Variants in LRBA observed in about 807,000 individuals in gnomAD.
The protein encoded by LRBA is LPS responsive beige-like anchor protein, also known as lipopolysaccharide-responsive and beige-like anchor protein.
Under a neutral mutation model 330.0 loss-of-function variants are expected in LRBA, and 176 were observed. That is an observed-to-expected ratio of 0.53 (90% confidence interval 0.47 to 0.60). The LOEUF (loss-of-function observed/expected upper bound fraction) is 0.60, where lower values mean the gene tolerates loss of function less well. LRBA is among the 20% of genes least tolerant of loss of function. LRBA has a pLI of 0.00. For synonymous variants in LRBA, 1,230 were observed against 1,193.0 expected, an observed-to-expected ratio of 1.03 and a Z score of -0.64; for missense variants, 3,259 against 3,444.8, an observed-to-expected ratio of 0.95 and a Z score of 1.35.
intron 42 of LRBA, among the ~76,000 whole-genome samples, chr4:150,479,610 G>A (rs1027885094): frequency 6.6e-6 from 1 of 152,134 alleles, no homozygotes; most frequent in Non-Finnish European, 1.5e-5. Flanking sequence ...ATACATCCTC[G>A]AGAGGTGGAG....
chr4:150,887,797 A>G (rs547109058), intron 17 of LRBA, among the ~76,000 whole-genome samples: 3 of 151,102 alleles, frequency 2.0e-5, no homozygotes, highest in Non-Finnish European at 4.4e-5. Context: ...GAAAGAAAAA[A>G]AAAAGAACCT....
chr4:150,660,356 G>T (rs1233273028), intron 37 of LRBA, among the ~76,000 whole-genome samples: 124 of 87,872 alleles, frequency 1.4e-3, no homozygotes, highest in African/African-American at 4.5e-3. Flanking sequence ...AGGTGGGGGG[G>T]GTCAGCCCCC....
At chr4:150,349,576 C>A (rs1203353306) in intron 48 of LRBA, among the ~76,000 whole-genome samples, 1 of 152,096 alleles carries the variant, frequency 6.6e-6, no homozygotes, top group African/African-American at 2.4e-5. Flanking sequence ...TTCAACCCCC[C>A]CATTAACTTC....
chr4:150,364,494 C>A (rs892249595), intron 47 of LRBA, among the ~76,000 whole-genome samples: 1 of 152,208 alleles, frequency 6.6e-6, no homozygotes, highest in Non-Finnish European at 1.5e-5. Context: ...TTAACCACAA[C>A]ACATCCTTTT....
At chr4:150,707,300 A>T (rs182049828) in intron 36 of LRBA, among the ~76,000 whole-genome samples, 271 of 151,846 alleles carry the variant, frequency 1.8e-3, no homozygotes, top group Non-Finnish European at 3.1e-3. Flanking sequence ...TCTATATAAA[A>T]GTTTCAGATA....
At chr4:150,678,406 A>G (rs986389961) in intron 37 of LRBA, among the ~76,000 whole-genome samples, 1 of 152,178 alleles carries the variant, frequency 6.6e-6, no homozygotes, top group Non-Finnish European at 1.5e-5. Flanking sequence ...CAGTACTGCA[A>G]TATGCCTCTG....
intron 47 of LRBA, among the ~76,000 whole-genome samples, chr4:150,359,133 C>T (rs1738303474): frequency 6.6e-6 from 1 of 152,198 alleles, no homozygotes; most frequent in Admixed American, 6.5e-5. Flanking sequence ...CAAATTACAT[C>T]TGCATTTACT....
At chr4:150,874,797 C>T (rs1753820413) in intron 17 of LRBA, among the ~76,000 whole-genome samples, 1 of 151,994 alleles carries the variant, frequency 6.6e-6, no homozygotes, top group African/African-American at 2.4e-5. Flanking sequence ...GCACCCACTC[C>T]CACGGACTAG....
intron 36 of LRBA, among the ~76,000 whole-genome samples, chr4:150,727,067 GTTTTT>G (rs34671398): frequency 1.3e-5 from 1 of 79,500 alleles, no homozygotes; most frequent in Non-Finnish European, 2.1e-5. Flanking sequence ...ACATTTCGTT[GTTTTT>G]TTTTTTTTTT....
chr4:150,724,018 G>A (rs1729318194), intron 36 of LRBA, among the ~76,000 whole-genome samples: 2 of 152,188 alleles, frequency 1.3e-5, no homozygotes, highest in South Asian at 4.1e-4. Flanking sequence ...ATTGTGGTTT[G>A]AGTGCAGGCA....
rs1036237141 is a variant in LRBA at position 150,861,085 on chromosome 4, T to C, written c.2766+6586A>G. 3.9e-5 allele frequency among the ~76,000 whole-genome samples: 6 copies of C among 152,194 alleles called. No homozygotes were observed. The East Asian group carries it at 1.2e-3, about 29-fold the overall frequency. On this transcript the variant is annotated intron_variant, in intron 22 of 56. Transcript: ENST00000651943. The stretch of plus-strand genomic sequence containing the variant: ...AATATATGTATTTGTGTTATCTATT[T>C]TTTTTAATGTTTTAATTTTTGTTTT...
At chr4:150,793,683 T>C (rs970829034) in intron 34 of LRBA, among the ~76,000 whole-genome samples, 4 of 152,122 alleles carry the variant, frequency 2.6e-5, no homozygotes, top group Admixed American at 2.6e-4. Flanking sequence ...GCAACTTAAA[T>C]ATAGAATGAA....
intron 37 of LRBA, among the ~76,000 whole-genome samples, chr4:150,673,181 A>G (rs1268092152): frequency 1.3e-5 from 2 of 152,326 alleles, no homozygotes; most frequent in African/African-American, 2.4e-5. Flanking sequence ...AAATCTCTAT[A>G]TATCACTGTA....
At chr4:150,969,934 C>T (rs779413283) in intron 2 of LRBA, among the ~76,000 whole-genome samples, 2 of 152,170 alleles carry the variant, frequency 1.3e-5, no homozygotes, top group Non-Finnish European at 1.5e-5. Flanking sequence ...TCATAGAACA[C>T]TACTGAACAG....
At chr4:150,412,451 T>C (rs1747138423) in intron 47 of LRBA, among the ~76,000 whole-genome samples, 1 of 152,178 alleles carries the variant, frequency 6.6e-6, no homozygotes, top group South Asian at 2.1e-4. Flanking sequence ...TTCTTTTCCT[T>C]AGTGCCCTTG....
intron 37 of LRBA, among the ~76,000 whole-genome samples, chr4:150,619,584 A>T (rs1030944877): frequency 6.6e-5 from 10 of 152,148 alleles, no homozygotes; most frequent in African/African-American, 2.4e-4. Flanking sequence ...ATCTTGTAAC[A>T]GTCTATTTGT....
intron 36 of LRBA, among the ~76,000 whole-genome samples, chr4:150,709,295 T>C (rs894714444): frequency 6.6e-6 from 1 of 151,894 alleles, no homozygotes; most frequent in South Asian, 2.1e-4. Context: ...TGTCAAAAAA[T>C]GTAGCCAACA....
intron 2 of LRBA, among the ~76,000 whole-genome samples, chr4:150,931,438 A>G (rs915862087): frequency 2.0e-5 from 3 of 151,108 alleles, no homozygotes; most frequent in Non-Finnish European, 4.4e-5. Context: ...GATAAAAGTG[A>G]CATGCAAATA....
intron 30 of LRBA, among the ~76,000 whole-genome samples, chr4:150,825,097 G>C (rs990864541): frequency 6.6e-6 from 1 of 151,570 alleles, no homozygotes; most frequent in African/African-American, 2.4e-5. Flanking sequence ...AAAAATCTCA[G>C]AAGACACAAA....
Sources: allele counts gnomAD v4.1 joint callset (sites outside exome capture counted in the v4.1 genomes callset), GRCh38; gene constraint gnomAD v4.1.1; transcripts MANE v1.5; gene names NCBI Gene and HGNC (gene_info 2026-07-23, HGNC 2026-07-21).